The following PRPSAP2 variants were observed in gnomAD, a reference collection of about 807,000 sequenced individuals.
PRPSAP2 encodes the protein phosphoribosyl pyrophosphate synthetase associated protein 2, also known as phosphoribosyl pyrophosphate synthase-associated protein 2.
A neutral mutation model predicts 40.6 loss-of-function variants in PRPSAP2; 24 were observed. That is an observed-to-expected ratio of 0.59 (90% CI 0.43 to 0.83). The LOEUF is 0.83. Ranked by LOEUF, PRPSAP2 falls within the 40% of genes least tolerant of loss-of-function variation. The pLI, the probability that PRPSAP2 is intolerant of heterozygous loss-of-function variation, is 0.00. For missense variants in PRPSAP2, 292 were observed against 465.6 expected (o/e 0.63, Z 3.43); for synonymous variants, 149 against 164.7 (o/e 0.90, Z 0.73).
chr17:18,860,182 C>T (rs1329256131), intron 1 of PRPSAP2, among the ~76,000 whole-genome samples: 3 of 152,170 alleles, frequency 2.0e-5, no homozygotes, highest in African/African-American at 7.2e-5. Flanking sequence ...GCCTCAGCTG[C>T]GCAAGTAGCT....
chr17:18,909,477 C>T (rs1362454311), intron 8 of PRPSAP2, among the ~76,000 whole-genome samples: 1 of 151,874 alleles, frequency 6.6e-6, no homozygotes, highest in Non-Finnish European at 1.5e-5. Context: ...ATCTCCTGAC[C>T]TCATGATCCG....
chr17:18,878,588 G>A (rs1456433775), intron 6 of PRPSAP2, among the ~76,000 whole-genome samples: 1 of 151,770 alleles, frequency 6.6e-6, no homozygotes. Context: ...ATGGAGTTTC[G>A]CTCCTGTTGC....
chr17:18,912,703 T>C (rs2041039576), intron 9 of PRPSAP2, among the ~76,000 whole-genome samples: 1 of 152,166 alleles, frequency 6.6e-6, no homozygotes, highest in East Asian at 1.9e-4. Flanking sequence ...CAAAATGCAA[T>C]GGTGGGACAG....
chr17:18,892,745 A>ATTTTTTTTTTTAT (rs1555554151), intron 8 of PRPSAP2, among the ~76,000 whole-genome samples: 1 of 125,706 alleles, frequency 8.0e-6, no homozygotes, highest in South Asian at 2.6e-4. Context: ...TTATTTATTT[A>ATTTTTTTTTTTAT]TTTTTTTGAG....
chr17:18,923,256 A>ATTTTTTTTTTTTTT (rs34975526), intron 9 of PRPSAP2, among the ~76,000 whole-genome samples: 17 of 105,396 alleles, frequency 1.6e-4, no homozygotes, highest in South Asian at 3.1e-4. Context: ...CACTTGGCTA[A>ATTTTTTTTTTTTTT]TTTTTTTTTT....
chr17:18,908,916 T>G, intron 8 of PRPSAP2: 1 of 422,862 alleles, frequency 2.4e-6, no homozygotes. Context: ...TTTCAAATTT[T>G]ACCCTGCCCC....
intron 7 of PRPSAP2, among the ~76,000 whole-genome samples, chr17:18,884,790 A>G (rs538941958): frequency 6.6e-6 from 1 of 152,348 alleles, no homozygotes; most frequent in South Asian, 2.1e-4. Flanking sequence ...CCGCATGGAG[A>G]AACCTGTCAT....
At chr17:18,861,245 A>AG (rs1208630929) in intron 1 of PRPSAP2, among the ~76,000 whole-genome samples, 1 of 152,026 alleles carries the variant, frequency 6.6e-6, no homozygotes, top group African/African-American at 2.4e-5. Context: ...CGGGTGGATT[A>AG]CCTGAGCTTG....
chr17:18,865,850 C>A lies in PRPSAP2; in HGVS notation c.17C>A (p.Pro6Gln). 1.3e-6 allele frequency: 2 copies of A among 1,513,716 alleles called. No individual in the cohort carries two copies. Among genetic ancestry groups the A allele is most frequent in the Admixed American group, 1.8e-5 (1 of 54,296 alleles). The allele number at this position is 1,513,716 out of a possible 1,614,324, so 93.8% of individuals were successfully genotyped here. A position where few individuals can be genotyped will look rare whatever the true frequency, so the allele number is the denominator to read the frequency against. Residue 6 changes from proline (P) to glutamine (Q), a missense_variant, in exon 3 of 12, where the codon CCA (proline) becomes CAA (glutamine). Physicochemically the swap from Pro to Gln is moderately conservative, Grantham distance 76 (BLOSUM62 -1). Coordinates refer to ENST00000268835, the MANE Select transcript of PRPSAP2 (RefSeq NM_002767.4). Reference protein sequence around the residue: MFCVTPPELETKMNIT... With the variant: MFCVTQPELETKMNIT... ...AAGGTTTTGATGTTTTGTGTGACGC[C>A]ACCTGAATTAGAAACCAAGATGAAC... is the stretch of plus-strand genomic sequence containing the variant.
Position 18,927,580 on chromosome 17 carries a change from T to C in PRPSAP2, c.805-1231T>C, listed in dbSNP as rs185397844. Among the ~76,000 whole-genome samples, 48 of 152,346 alleles carry C rather than the reference T, an allele frequency of 3.2e-4. No homozygotes were observed. In the East Asian group the frequency reaches 8.7e-3, roughly 28 times the overall value. Reference sequence around the variant, plus strand: ...GATGATTTCCAGGTTGGGGCTATTATACATAAAACTCGCTATGTACATTCA... The same window carrying C: ...GATGATTTCCAGGTTGGGGCTATTACACATAAAACTCGCTATGTACATTCA... On this transcript the variant is annotated intron_variant, in intron 10 of 11. Transcript: ENST00000268835.
chr17:18,890,497 G>A (rs2039474887), intron 8 of PRPSAP2, among the ~76,000 whole-genome samples: 1 of 152,060 alleles, frequency 6.6e-6, no homozygotes, highest in African/African-American at 2.4e-5. Context: ...AGTAGAAACA[G>A]AGTTTTGCCA....
chr17:18,925,303 G>A (rs190024494), intron 10 of PRPSAP2, among the ~76,000 whole-genome samples: 98 of 152,290 alleles, frequency 6.4e-4, no homozygotes, highest in African/African-American at 2.3e-3. Context: ...GGTACCTAGA[G>A]GCCTCCTCTG....
At chr17:18,915,508 G>A (rs1012603649) in intron 9 of PRPSAP2, among the ~76,000 whole-genome samples, 6 of 152,054 alleles carry the variant, frequency 3.9e-5, no homozygotes, top group Admixed American at 3.3e-4. Flanking sequence ...ACAGTTCTTC[G>A]GGCTGGTAAG....
At chr17:18,877,485 T>C (rs2038387244) in intron 5 of PRPSAP2, among the ~76,000 whole-genome samples, 1 of 152,124 alleles carries the variant, frequency 6.6e-6, no homozygotes, top group Non-Finnish European at 1.5e-5. Context: ...GTGGACACGC[T>C]CCTCTGAGAG....
chr17:18,872,252 G>A (rs4328505), intron 4 of PRPSAP2, among the ~76,000 whole-genome samples: 64,477 of 146,496 alleles, frequency 0.44, 14,229 homozygotes, highest in Middle Eastern at 0.49. Flanking sequence ...CAGCGTGGGC[G>A]ACAGAGCAAG....
chr17:18,925,931 T>C (rs2041944444), intron 10 of PRPSAP2, among the ~76,000 whole-genome samples: 1 of 152,028 alleles, frequency 6.6e-6, no homozygotes, highest in Non-Finnish European at 1.5e-5. Flanking sequence ...CGGTGAAACC[T>C]TGTCTCTACT....
chr17:18,926,635 A>G (rs937635685), intron 10 of PRPSAP2, among the ~76,000 whole-genome samples: 1 of 152,162 alleles, frequency 6.6e-6, no homozygotes, highest in Admixed American at 6.5e-5. Flanking sequence ...GTAGGGGGCA[A>G]TACACAGGGA....
intron 7 of PRPSAP2, among the ~76,000 whole-genome samples, chr17:18,889,308 G>A (rs903498113): frequency 4.6e-5 from 7 of 152,106 alleles, no homozygotes; most frequent in African/African-American, 1.7e-4. Flanking sequence ...AAATTCATTG[G>A]TGTAATTGTG....
chr17:18,871,959 C>G (rs1467728063), intron 4 of PRPSAP2, among the ~76,000 whole-genome samples: 2 of 152,076 alleles, frequency 1.3e-5, no homozygotes, highest in Non-Finnish European at 2.9e-5. Context: ...TGTGCCTGGC[C>G]TATGATTGTC....
Sources: gnomAD v4.1 joint callset for allele counts (sites outside exome capture counted in the v4.1 genomes callset) on GRCh38, gnomAD v4.1.1 for gene constraint, MANE v1.5 for transcripts, NCBI Gene and HGNC (gene_info 2026-07-23, HGNC 2026-07-21) for gene names.